RAD9B: variants seen among roughly 807,000 people sequenced by gnomAD.
The protein encoded by RAD9B is cell cycle checkpoint control protein RAD9B.
A neutral mutation model predicts 48.3 loss-of-function variants in RAD9B; 41 were observed. The ratio of observed to expected loss-of-function variants is 0.85; its 90% CI spans 0.66 to 1.10. RAD9B has a LOEUF of 1.10. Ranked by LOEUF, RAD9B falls within the 50% of genes least tolerant of loss-of-function variation. RAD9B has a pLI of 0.00. For synonymous variants in RAD9B, 160 were observed against 157.9 expected, an observed-to-expected ratio of 1.01 and a Z score of -0.10; for missense variants, 444 against 485.1, an observed-to-expected ratio of 0.92 and a Z score of 0.80.
At chr12:110,523,185 C>T (rs773882438) in intron 10 of RAD9B, among the ~76,000 whole-genome samples, 3 of 152,116 alleles carry the variant, frequency 2.0e-5, no homozygotes, top group African/African-American at 7.2e-5. Flanking sequence ...CCTGTAACCC[C>T]GGCCCTTTAG....
Position 110,503,830 on chromosome 12 carries a change from T to G in RAD9B, c.71T>G (p.Leu24Arg). ...VKVFGKAVQA[L>R]SRISDEFWLD... ...GTATTTGGGAAAGCAGTTCAAGCTC[T>G]ATCACGAATTAGTGACGAGTTCTGG... is the stretch of plus-strand genomic sequence containing the variant. The change falls in exon 2 of 11, where the codon CTA becomes CGA. Residue 24 changes from leucine to arginine, a missense_variant. By Grantham distance (102) the Leu-to-Arg change is moderately radical (BLOSUM62 -2). Transcript: ENST00000409300. 1 of 1,606,218 alleles carries G rather than the reference T, an allele frequency of 6.2e-7. No individual in the cohort carries two copies. Among genetic ancestry groups the G allele is most frequent in the Non-Finnish European group, 8.5e-7 (1 of 1,176,724 alleles).
chr12:110,528,568 C>G (rs549760390), intron 10 of RAD9B, among the ~76,000 whole-genome samples: 37 of 152,330 alleles, frequency 2.4e-4, no homozygotes, highest in African/African-American at 8.9e-4. Flanking sequence ...AGAGGGCAAG[C>G]TGGCTGAGCT....
In RAD9B at chr12:110,532,653, G is replaced by A. The variant is rs2064170067; in HGVS notation, c.*2000G>A. Among the ~76,000 whole-genome samples, 1 of 152,234 alleles carries A rather than the reference G, an allele frequency of 6.6e-6. No individual in the cohort carries two copies. Among genetic ancestry groups the A allele is most frequent in the African/African-American group, 2.4e-5 (1 of 41,476 alleles). On this transcript the variant is annotated 3_prime_UTR_variant, in exon 11 of 11. Coordinates refer to ENST00000409300, the MANE Select transcript of RAD9B (RefSeq NM_001286535.2). ...TGGTCAACGATGGACTGCACAGACA[G>A]TGGTGGTCCCATAAGATAATGGAGC...
At chr12:110,510,445 C>T (rs1201179997) in intron 4 of RAD9B, among the ~76,000 whole-genome samples, 5 of 152,158 alleles carry the variant, frequency 3.3e-5, no homozygotes, top group Non-Finnish European at 7.3e-5. Flanking sequence ...CGGTAGAATG[C>T]ACCATAAGTG....
At position 110,520,194 on chromosome 12, in the gene RAD9B, T is replaced by TTG. The variant is rs1565895010; in HGVS notation, c.890+279_890+280insGT. On this transcript the variant is annotated intron_variant, in intron 9 of 10. Transcript: ENST00000409300. ...CAGAACTCAATTCCAATTTTTAGTT[T>TTG]TTGTTGTTGTTGTTGTTGTTGTTAT... Among the ~76,000 whole-genome samples the TTG allele has an allele frequency of 5.8e-3, 878 of 151,758 alleles. 9 individuals are homozygous for TTG. The highest frequency in any genetic ancestry group is 0.02 in the African/African-American group (822 of 41,258).
chr12:110,504,478 C>CAA (rs765939893), intron 2 of RAD9B, among the ~76,000 whole-genome samples: 17 of 58,114 alleles, frequency 2.9e-4, no homozygotes, highest in Admixed American at 5.4e-4. Flanking sequence ...GACTCCGTCC[C>CAA]AAAAAAAAAA....
At chr12:110,506,769 C>A in intron 4 of RAD9B, 76 bp downstream of exon 4, 1 of 742,676 alleles carries the variant, frequency 1.3e-6, no homozygotes, top group Non-Finnish European at 2.3e-6. Context: ...ATTGATATTT[C>A]ATGTCAAGAT....
chr12:110,529,365 G>C (rs1565905204), intron 10 of RAD9B, among the ~76,000 whole-genome samples: 1 of 151,730 alleles, frequency 6.6e-6, no homozygotes, highest in African/African-American at 2.4e-5. Flanking sequence ...GGCTGGTCTC[G>C]ATCTCCTGAC....
At chr12:110,523,456 G>A (rs74836173) in intron 10 of RAD9B, among the ~76,000 whole-genome samples, 3 of 152,154 alleles carry the variant, frequency 2.0e-5, no homozygotes, top group Admixed American at 6.5e-5. Context: ...ACCATATTAC[G>A]CTGTATATGA....
intron 6 of RAD9B, among the ~76,000 whole-genome samples, chr12:110,515,892 A>G (rs1209532648): frequency 2.0e-5 from 3 of 152,206 alleles, no homozygotes; most frequent in Non-Finnish European, 4.4e-5. Flanking sequence ...TGATCTTCAT[A>G]ACAACTCTAA....
At chr12:110,520,679 C>T in intron 9 of RAD9B, among the ~76,000 whole-genome samples, 1 of 104,558 alleles carries the variant, frequency 9.6e-6, no homozygotes, top group Non-Finnish European at 1.8e-5. Flanking sequence ...GAGACAGAAT[C>T]TCACTCTGTT....
At chr12:110,509,919 T>C (rs1358108196) in intron 4 of RAD9B, among the ~76,000 whole-genome samples, 1 of 152,238 alleles carries the variant, frequency 6.6e-6, no homozygotes, top group African/African-American at 2.4e-5. Context: ...TTGCATTTTG[T>C]CCCATGTGCA....
chr12:110,519,636 A>G (rs1490114432), intron 8 of RAD9B, among the ~76,000 whole-genome samples, 158 bp from the exon 9 acceptor site: 1 of 151,600 alleles, frequency 6.6e-6, no homozygotes, highest in African/African-American at 2.4e-5. Context: ...GGGTTTCTTC[A>G]TGTTGGTCAG....
At position 110,518,754 on chromosome 12, in the gene RAD9B, A is replaced by C; in HGVS notation, c.674A>C (p.Glu225Ala). The change falls in exon 7 of 11, where the codon GAG becomes GCG. Residue 225 changes from glutamate to alanine, a missense_variant. Coordinates refer to ENST00000409300, the MANE Select transcript of RAD9B (RefSeq NM_001286535.2). Reference protein sequence around the residue: ...FDFFQIGMDTEITFCFKELKG... With the variant: ...FDFFQIGMDTAITFCFKELKG... The stretch of plus-strand genomic sequence containing the variant: ...TTCTTTCAAATTGGAATGGACACTG[A>C]GATAACATTTTGTTTCAAAGAATTG... 6.2e-7 allele frequency: 1 copy of C among 1,607,674 alleles called. No individual in the cohort carries two copies. Among genetic ancestry groups the C allele is most frequent in the South Asian group, 1.1e-5 (1 of 89,780 alleles).
Position 110,502,386 on chromosome 12 carries a change from G to A in RAD9B, c.46+3G>A, listed in dbSNP as rs746964755. On this transcript the variant is annotated splice_donor_region_variant and intron_variant, in intron 1 of 10. Transcript: ENST00000409300. The stretch of plus-strand genomic sequence containing the variant: ...GATGAGCGGCAGTCAGGTGAAAGGT[G>A]GAGCGGCCTTTGTTGTCTTCCCATT... 5 of 1,613,556 alleles carry A rather than the reference G, an allele frequency of 3.1e-6. No individual in the cohort carries two copies. The highest frequency in any genetic ancestry group is 1.3e-5 in the African/African-American group (1 of 74,922).
At position 110,530,711 on chromosome 12, in the gene RAD9B, G is replaced by T; in HGVS notation, c.*58G>T. 6.2e-7 allele frequency: 1 copy of T among 1,605,720 alleles called. No homozygotes were observed. On this transcript the variant is annotated 3_prime_UTR_variant, in exon 11 of 11. Coordinates refer to ENST00000409300, the MANE Select transcript of RAD9B (RefSeq NM_001286535.2). ...AGTGACTGGCTCATTTGCCCCTCAA[G>T]CACGAGTTTGCATGTTTAGTGTCTA...
chr12:110,512,003 C>T (rs139214780), intron 4 of RAD9B, among the ~76,000 whole-genome samples: 5 of 150,894 alleles, frequency 3.3e-5, no homozygotes, highest in Admixed American at 2.0e-4. Flanking sequence ...CATGCCACCA[C>T]GCCCGGCTAG....
intron 10 of RAD9B, among the ~76,000 whole-genome samples, chr12:110,528,686 A>G (rs554155234): frequency 7.9e-5 from 12 of 152,344 alleles, no homozygotes; most frequent in Middle Eastern, 3.4e-3. Flanking sequence ...TCTGTTGACC[A>G]TAAGTTTCTG....
chr12:110,509,003 C>T (rs958450659), intron 4 of RAD9B, among the ~76,000 whole-genome samples: 4 of 151,580 alleles, frequency 2.6e-5, no homozygotes, highest in African/African-American at 7.3e-5. Flanking sequence ...CTGGTTCTGT[C>T]GCCCAGGCTG....
Sources: allele counts gnomAD v4.1 joint callset (sites outside exome capture counted in the v4.1 genomes callset), GRCh38; gene constraint gnomAD v4.1.1; transcripts MANE v1.5; gene names NCBI Gene and HGNC (gene_info 2026-07-23, HGNC 2026-07-21).